Variants in ZNF385D observed in about 807,000 individuals in gnomAD.
The protein encoded by ZNF385D is zinc finger protein 385D, also known as zinc finger protein 659.
ZNF385D carries 15 observed loss-of-function variants against 35.8 expected under a neutral mutation model. The observed-to-expected ratio is 0.42, with a 90% CI of 0.28 to 0.64. The LOEUF (loss-of-function observed/expected upper bound fraction) is 0.64. ZNF385D is among the 30% of genes least tolerant of loss of function. ZNF385D has a pLI of 0.23. For synonymous variants in ZNF385D, 212 were observed against 186.8 expected (o/e 1.13, Z -1.10); for missense variants, 474 against 494.6 (o/e 0.96, Z 0.39).
intron 2 of ZNF385D, among the ~76,000 whole-genome samples, chr3:22,287,708 C>A (rs369019569): frequency 6.6e-6 from 1 of 152,036 alleles, no homozygotes; most frequent in Non-Finnish European, 1.5e-5. Context: ...ATTTGCATCC[C>A]TCAACAAGAT....
At chr3:21,820,605 A>G (rs1233933653) in intron 3 of ZNF385D, among the ~76,000 whole-genome samples, 1 of 151,784 alleles carries the variant, frequency 6.6e-6, no homozygotes, top group Non-Finnish European at 1.5e-5. Flanking sequence ...AACTAGGCAT[A>G]ATAAAGATAC....
intron 2 of ZNF385D, among the ~76,000 whole-genome samples, chr3:22,365,899 GTTA>G (rs1394107424): frequency 2.0e-5 from 3 of 151,976 alleles, no homozygotes; most frequent in Admixed American, 1.3e-4. Context: ...TGTTTCTGTT[GTTA>G]TTATTATTCC....
intron 3 of ZNF385D, among the ~76,000 whole-genome samples, chr3:21,862,727 C>T (rs1193361317): frequency 6.6e-6 from 1 of 152,176 alleles, no homozygotes; most frequent in African/African-American, 2.4e-5. Flanking sequence ...CTGTGCCTCC[C>T]CAAGGGCTCC....
At chr3:21,653,953 A>G (rs577019964) in intron 2 of ZNF385D, among the ~76,000 whole-genome samples, 1 of 152,172 alleles carries the variant, frequency 6.6e-6, no homozygotes, top group East Asian at 1.9e-4. Flanking sequence ...AAGCATTAAC[A>G]TGGTACATAT....
intron 1 of ZNF385D, among the ~76,000 whole-genome samples, chr3:21,681,815 A>G (rs1219316226): frequency 3.8e-5 from 3 of 78,284 alleles, no homozygotes; most frequent in Non-Finnish European, 8.3e-5. Context: ...ATGTGATGAA[A>G]TGAGGGAAAG....
chr3:22,172,490 G>C (rs1459653678), intron 2 of ZNF385D, among the ~76,000 whole-genome samples: 1 of 152,216 alleles, frequency 6.6e-6, no homozygotes, highest in Non-Finnish European at 1.5e-5. Flanking sequence ...TTAGTGCACT[G>C]TTCTGACGTA....
intron 3 of ZNF385D, among the ~76,000 whole-genome samples, chr3:22,005,083 A>AAAAAAAAAC (rs1553717904): frequency 4.3e-5 from 5 of 117,338 alleles, no homozygotes; most frequent in African/African-American, 3.5e-5. Context: ...AAAAAAAAAA[A>AAAAAAAAAC]AGGCAGAAAA....
intron 1 of ZNF385D, among the ~76,000 whole-genome samples, chr3:21,723,219 T>C (rs983260906): frequency 2.0e-5 from 3 of 151,674 alleles, no homozygotes; most frequent in African/African-American, 7.3e-5. Flanking sequence ...AGGGTGAAAA[T>C]TCCAAAAACC....
intron 3 of ZNF385D, among the ~76,000 whole-genome samples, chr3:21,883,829 A>G (rs891704236): frequency 4.6e-5 from 7 of 152,072 alleles, no homozygotes; most frequent in African/African-American, 1.4e-4. Flanking sequence ...TTCTTTCAGC[A>G]GCTAATGTAG....
At chr3:21,810,971 C>CAT (rs1491241212) in intron 3 of ZNF385D, among the ~76,000 whole-genome samples, 3 of 144,380 alleles carry the variant, frequency 2.1e-5, no homozygotes, top group Non-Finnish European at 4.5e-5. Flanking sequence ...TGTGTGTATA[C>CAT]GTGTGTGTGT....
chr3:21,746,926 G>T (rs533482256), intron 1 of ZNF385D, among the ~76,000 whole-genome samples: 1 of 152,230 alleles, frequency 6.6e-6, no homozygotes, highest in Admixed American at 6.5e-5. Flanking sequence ...GTGCTGACAT[G>T]AGAATGTTCT....
At chr3:21,946,057 C>G (rs1160064702) in intron 3 of ZNF385D, among the ~76,000 whole-genome samples, 1 of 152,136 alleles carries the variant, frequency 6.6e-6, no homozygotes, top group Non-Finnish European at 1.5e-5. Flanking sequence ...ATTTAGCTGA[C>G]CGCTGCTCAG....
intron 3 of ZNF385D, among the ~76,000 whole-genome samples, chr3:21,757,134 T>TTTTTTTTTTTTTTTTTTTTTTTTTTTG (rs1553654008): frequency 7.8e-6 from 1 of 128,232 alleles, no homozygotes; most frequent in African/African-American, 2.9e-5. Flanking sequence ...TTTTTTTTTT[T>TTTTTTTTTTTTTTTTTTTTTTTTTTTG]TTTTTGTTTT....
At chr3:21,538,358 G>C (rs2062088779) in intron 3 of ZNF385D, among the ~76,000 whole-genome samples, 1 of 152,068 alleles carries the variant, frequency 6.6e-6, no homozygotes, top group Non-Finnish European at 1.5e-5. Context: ...CATTTCTTCT[G>C]TGAAGCAGAA....
chr3:21,472,660 G>A (rs67827541), intron 4 of ZNF385D, among the ~76,000 whole-genome samples: 1 of 151,880 alleles, frequency 6.6e-6, no homozygotes, highest in African/African-American at 2.4e-5. Flanking sequence ...TTGTAACAAA[G>A]AGCTGAGTCT....
chr3:22,041,448 T>C (rs1319052434), intron 3 of ZNF385D, among the ~76,000 whole-genome samples: 1 of 152,118 alleles, frequency 6.6e-6, no homozygotes. Flanking sequence ...TAAAGTTATA[T>C]TAAGCAAAAC....
intron 3 of ZNF385D, among the ~76,000 whole-genome samples, chr3:22,121,800 G>A (rs1043711501): frequency 6.6e-6 from 1 of 151,628 alleles, no homozygotes. Flanking sequence ...GAAGCAAACT[G>A]CAACAGCTTT....
At chr3:21,613,312 A>C (rs2064743432) in intron 2 of ZNF385D, among the ~76,000 whole-genome samples, 1 of 151,696 alleles carries the variant, frequency 6.6e-6, no homozygotes, top group Non-Finnish European at 1.5e-5. Flanking sequence ...ACTCAAAATG[A>C]GAAGATAGAC....
At chr3:22,286,709 C>CT (rs1702042704) in intron 2 of ZNF385D, among the ~76,000 whole-genome samples, 1 of 152,044 alleles carries the variant, frequency 6.6e-6, no homozygotes, top group South Asian at 2.1e-4. Flanking sequence ...ATGATTCCTC[C>CT]TCTTACTGAT....
Sources: gnomAD v4.1 joint callset for allele counts (sites outside exome capture counted in the v4.1 genomes callset) on GRCh38, gnomAD v4.1.1 for gene constraint, MANE v1.5 for transcripts, NCBI Gene and HGNC (gene_info 2026-07-23, HGNC 2026-07-21) for gene names.